The following EBF3 variants were observed in gnomAD, a reference collection of about 807,000 sequenced individuals.
The protein encoded by EBF3 is EBF transcription factor 3.
EBF3 carries 18 observed loss-of-function variants against 77.1 expected under a neutral mutation model. The observed-to-expected ratio is 0.23, with a 90% confidence interval of 0.16 to 0.35. The LOEUF is 0.35. Among genes scored for constraint, EBF3 ranks in the 10% least tolerant of loss-of-function variants. The pLI, the probability that EBF3 is intolerant of heterozygous loss-of-function variation, is 1.00. For synonymous variants in EBF3, 350 were observed against 343.5 expected (o/e 1.02, Z -0.21); for missense variants, 558 against 860.0 (o/e 0.65, Z 4.39).
At chr10:129,914,195 C>G (rs1377991341) in intron 6 of EBF3, among the ~76,000 whole-genome samples, 1 of 152,200 alleles carries the variant, frequency 6.6e-6, no homozygotes, top group Non-Finnish European at 1.5e-5. Context: ...CCCCTACCCA[C>G]CTCCCTCCAG....
chr10:129,843,105 A>G (rs1443682116), intron 12 of EBF3, 32 bp downstream of exon 12: 3 of 1,538,570 alleles, frequency 1.9e-6, no homozygotes, highest in South Asian at 1.1e-5. Context: ...CATGGGGGGG[A>G]GGATGGGCGA....
chr10:129,896,494 G>T (rs936088345), intron 6 of EBF3, among the ~76,000 whole-genome samples: 1 of 152,228 alleles, frequency 6.6e-6, no homozygotes, highest in African/African-American at 2.4e-5. Context: ...CTGGCTGGAC[G>T]GGGCGGGGGC....
rs1195753220 is a variant in EBF3 at position 129,836,945 on chromosome 10, G to A, written c.*998C>T. 2.0e-5 allele frequency: 3 copies of A among 152,694 alleles called. No individual in the cohort carries two copies. In the East Asian group the frequency reaches 5.8e-4, roughly 29 times the overall value. The allele number at this position is 152,694 out of a possible 1,614,324, so 9.5% of individuals were successfully genotyped here. On this transcript the variant is annotated 3_prime_UTR_variant, in exon 17 of 17. Transcript: ENST00000440978. ...ATAAGACACATAAGGAATAAAACTT[G>A]TTTTTCTAAATATTTTAAGTGGATC...
In EBF3 at chr10:129,879,567, A is replaced by G. The variant is rs918023510; in HGVS notation, c.555-1718T>C. ...GAAAGAGTGGTGGCCACTTAATTAA[A>G]TTTTCCTGCATACCATGAGGCCTCA... On this transcript the variant is annotated intron_variant, in intron 6 of 16. Coordinates refer to ENST00000440978, the MANE Select transcript of EBF3 (RefSeq NM_001375380.1). This position sits in a 1 kb window ranked among gnomAD's most constrained non-coding sequence, Gnocchi z 4.7. Among the ~76,000 whole-genome samples the G allele has an allele frequency of 2.6e-5, 4 of 151,272 alleles. No homozygotes were observed. The highest frequency in any genetic ancestry group is 5.9e-5 in the Non-Finnish European group (4 of 67,760).
At chr10:129,871,023 G>A (rs1016289253) in intron 8 of EBF3, among the ~76,000 whole-genome samples, 1 of 152,164 alleles carries the variant, frequency 6.6e-6, no homozygotes, top group African/African-American at 2.4e-5. Context: ...ATGGCTGGCT[G>A]ATACTCCAGC....
At chr10:129,910,284 G>A (rs1056465190) in intron 6 of EBF3, among the ~76,000 whole-genome samples, 10 of 152,200 alleles carry the variant, frequency 6.6e-5, no homozygotes, top group African/African-American at 9.7e-5. Context: ...TGGCCAGTAC[G>A]GGGCCTGAAA....
intron 11 of EBF3, chr10:129,845,566 G>A (rs542070890): frequency 6.6e-6 from 1 of 152,300 alleles, no homozygotes; most frequent in South Asian, 2.1e-4. Flanking sequence ...AGGTGACGTT[G>A]CTTCAGGTGC....
intron 10 of EBF3, among the ~76,000 whole-genome samples, chr10:129,866,445 C>T (rs1852019299): frequency 6.6e-6 from 1 of 152,214 alleles, no homozygotes; most frequent in South Asian, 2.1e-4. Flanking sequence ...CATTTCTCAA[C>T]AGCAATCCCG....
Position 129,837,686 on chromosome 10 carries a change from G to GAAATGTGAAA in EBF3, c.*247_*256dup. On this transcript the variant is annotated 3_prime_UTR_variant, in exon 17 of 17. Coordinates refer to ENST00000440978, the MANE Select transcript of EBF3 (RefSeq NM_001375380.1). ...TGTTTTCCTTATTCTTCAGGACTGAGAAATGTGAAAATATGAGAAAAGTTC... is the reference window on the plus strand; with the variant it reads ...TGTTTTCCTTATTCTTCAGGACTGAGAAATGTGAAAAAATGTGAAAATATGAGAAAAGTTC... 1.9e-6 allele frequency: 1 copy of GAAATGTGAAA among 537,016 alleles called. No homozygotes were observed. Among genetic ancestry groups the GAAATGTGAAA allele is most frequent in the South Asian group, 2.4e-5 (1 of 41,042 alleles). 33.3% of individuals were successfully genotyped at this position (537,016 alleles called of 1,614,324 possible).
chr10:129,962,129 G>A, intron 4 of EBF3, 42 bp downstream of exon 4: 1 of 1,608,770 alleles, frequency 6.2e-7, no homozygotes, highest in Non-Finnish European at 8.5e-7. Context: ...GACAACCCAG[G>A]CCCAGCAGTG....
chr10:129,861,662 G>A lies in EBF3; in HGVS notation c.1039+5479C>T, dbSNP rs1393901245. Among the ~76,000 whole-genome samples the A allele has an allele frequency of 1.3e-5, 2 of 152,092 alleles. No homozygotes were observed. The highest frequency in any genetic ancestry group is 2.4e-5 in the African/African-American group (1 of 41,426). On this transcript the variant is annotated intron_variant, in intron 10 of 16. Transcript: ENST00000440978. This position sits in a 1 kb window ranked among gnomAD's most constrained non-coding sequence, Gnocchi z 4.3. ...AGGAGGGCCCACTGCAGACAGGAAC[G>A]AACAGTCAGCCACGGGGGGCCCCTG...
intron 10 of EBF3, among the ~76,000 whole-genome samples, chr10:129,850,765 C>T (rs1850818165): frequency 6.6e-6 from 1 of 152,232 alleles, no homozygotes; most frequent in African/African-American, 2.4e-5. Context: ...CCTCTGTGCC[C>T]CCAAGAGCAC....
intron 10 of EBF3, among the ~76,000 whole-genome samples, chr10:129,860,720 C>T (rs1851569427): frequency 6.6e-6 from 1 of 152,162 alleles, no homozygotes; most frequent in African/African-American, 2.4e-5. Context: ...GACGAAGCAC[C>T]CTGTCACCAG....
At chr10:129,933,238 G>C (rs72837178) in intron 6 of EBF3, among the ~76,000 whole-genome samples, 36 of 152,162 alleles carry the variant, frequency 2.4e-4, no homozygotes, top group Non-Finnish European at 3.2e-4. Flanking sequence ...GCACCAAGTA[G>C]ATCCACAAAC....
chr10:129,852,566 C>T (rs565184525), intron 10 of EBF3, among the ~76,000 whole-genome samples: 2 of 152,202 alleles, frequency 1.3e-5, no homozygotes, highest in East Asian at 3.9e-4. Flanking sequence ...CAGCCAGCCC[C>T]GCCCTGAGTT....
intron 6 of EBF3, among the ~76,000 whole-genome samples, chr10:129,878,521 C>T (rs11016996): frequency 0.19 from 29,255 of 151,518 alleles, 2,953 homozygotes; most frequent in African/African-American, 0.25. Context: ...ATACAAAAAT[C>T]AGCCAGGTGC....
At chr10:129,888,897 A>G (rs894327266) in intron 6 of EBF3, among the ~76,000 whole-genome samples, 1 of 152,222 alleles carries the variant, frequency 6.6e-6, no homozygotes, top group African/African-American at 2.4e-5. Flanking sequence ...AAGGTAGGGA[A>G]TTATCAAAAC....
At position 129,963,900 on chromosome 10, in the gene EBF3, C is replaced by G; in HGVS notation, c.-132G>C. On this transcript the variant is annotated 5_prime_UTR_variant, in exon 1 of 17. Transcript: ENST00000440978. The surrounding 1 kb of genome is among the most constrained non-coding windows in gnomAD (Gnocchi z 7.1). ...GGCGCCTGCGGTCCGGCCCCGCCGC[C>G]GGCTTCAGCCCGTCCCGGGCAGGCG... 8.7e-7 allele frequency: 1 copy of G among 1,145,858 alleles called. No individual in the cohort carries two copies. The highest frequency in any genetic ancestry group is 1.7e-5 in the African/African-American group (1 of 60,100). 71.0% of individuals were successfully genotyped at this position (1,145,858 alleles called of 1,614,324 possible). A position where few individuals can be genotyped will look rare whatever the true frequency, so the allele number is the denominator to read the frequency against.
In EBF3 at chr10:129,935,980, C is replaced by T. The variant is rs1274034226; in HGVS notation, c.554+21278G>A. On this transcript the variant is annotated intron_variant, in intron 6 of 16. Transcript: ENST00000440978. The surrounding 1 kb of genome is among the most constrained non-coding windows in gnomAD (Gnocchi z 4.2). ...CCATCGGGGGGCTTCCTGAAGCTGCCCCCCCCGCCCAACAATGCAGCTGGT... is the reference window on the plus strand; with the variant it reads ...CCATCGGGGGGCTTCCTGAAGCTGCTCCCCCCGCCCAACAATGCAGCTGGT... Among the ~76,000 whole-genome samples the T allele has an allele frequency of 1.3e-5, 2 of 150,708 alleles. No homozygotes were observed. Among genetic ancestry groups the T allele is most frequent in the Non-Finnish European group, 2.9e-5 (2 of 67,998 alleles).
Sources: allele counts gnomAD v4.1 joint callset (sites outside exome capture counted in the v4.1 genomes callset), GRCh38; gene constraint gnomAD v4.1.1; non-coding constraint Gnocchi (gnomAD v3.1); transcripts MANE v1.5; gene names NCBI Gene and HGNC (gene_info 2026-07-23, HGNC 2026-07-21).